The following DNAJB6 variants were observed in gnomAD, a reference collection of about 807,000 sequenced individuals.
The protein encoded by DNAJB6 is dnaJ homolog subfamily B member 6.
DNAJB6 carries 16 observed loss-of-function variants against 42.7 expected under a neutral mutation model. The observed-to-expected ratio is 0.37, with a 90% CI of 0.25 to 0.57. The LOEUF is 0.57. Among genes scored for constraint, DNAJB6 ranks in the 20% least tolerant of loss-of-function variants. The pLI, the probability that DNAJB6 is intolerant of heterozygous loss-of-function variation, is 0.74. For synonymous variants in DNAJB6, 170 were observed against 163.5 expected (o/e 1.04, Z -0.30); for missense variants, 347 against 416.8 (o/e 0.83, Z 1.46).
At chr7:157,369,923 C>CATTATTATTAAACGGGACCCTTCTTAAG (rs1800080208) in intron 5 of DNAJB6, among the ~76,000 whole-genome samples, 1 of 147,828 alleles carries the variant, frequency 6.8e-6, no homozygotes, top group African/African-American at 2.5e-5. Flanking sequence ...CCCTTCTTAA[C>CATTATTATTAAACGGGACCCTTCTTAAG]ATTATTATTA....
chr7:157,397,898 C>G (rs891818831), intron 8 of DNAJB6, among the ~76,000 whole-genome samples: 1 of 152,280 alleles, frequency 6.6e-6, no homozygotes, highest in African/African-American at 2.4e-5. Flanking sequence ...CGCCTGTAAT[C>G]CCAGCTACTC....
At chr7:157,380,499 G>C (rs901613920) in intron 5 of DNAJB6, 2 of 152,190 alleles carry the variant, frequency 1.3e-5, no homozygotes, top group Non-Finnish European at 2.9e-5. Flanking sequence ...TGGGTGGGGG[G>C]CATTGACTGT....
At chr7:157,409,441 T>C (rs1274606904) in intron 8 of DNAJB6, among the ~76,000 whole-genome samples, 1 of 152,232 alleles carries the variant, frequency 6.6e-6, no homozygotes, top group Non-Finnish European at 1.5e-5. Context: ...CCAGGGTGGC[T>C]CAGCTGGCTG....
chr7:157,378,451 A>C (rs1353613578), intron 5 of DNAJB6: 1 of 152,232 alleles, frequency 6.6e-6, no homozygotes, highest in Non-Finnish European at 1.5e-5. Flanking sequence ...ACGTTGTAGC[A>C]CGTGCTGTAT....
intron 8 of DNAJB6, among the ~76,000 whole-genome samples, chr7:157,391,291 G>A (rs185165804): frequency 1.3e-5 from 2 of 152,310 alleles, no homozygotes; most frequent in African/African-American, 4.8e-5. Context: ...TTTGCTGCTC[G>A]TCAGCTCTAA....
intron 1 of DNAJB6, among the ~76,000 whole-genome samples, chr7:157,352,905 C>T (rs1164906205): frequency 6.6e-6 from 1 of 152,066 alleles, no homozygotes; most frequent in African/African-American, 2.4e-5. Flanking sequence ...ACGCTGTGAA[C>T]ATTACTGCTT....
At chr7:157,410,417 G>A (rs1173366290) in intron 9 of DNAJB6, 2 of 341,156 alleles carry the variant, frequency 5.9e-6, no homozygotes, top group East Asian at 4.5e-5. Context: ...TCACCTTCTC[G>A]TGCCTTCTTC....
At chr7:157,402,902 G>A (rs75161008) in intron 8 of DNAJB6, among the ~76,000 whole-genome samples, 1 of 152,164 alleles carries the variant, frequency 6.6e-6, no homozygotes, top group Admixed American at 6.5e-5. Context: ...GTCTGCCTTC[G>A]TACTGTGAAC....
intron 5 of DNAJB6, among the ~76,000 whole-genome samples, chr7:157,376,059 G>A (rs932152655): frequency 6.6e-6 from 1 of 152,298 alleles, no homozygotes; most frequent in Middle Eastern, 3.4e-3. Flanking sequence ...GCTTAGTGCT[G>A]CCCTGAGATG....
intron 5 of DNAJB6, among the ~76,000 whole-genome samples, chr7:157,369,785 A>ATTATTATTAAACAGGCCTTTCATAACG (rs1800053192): frequency 8.3e-6 from 1 of 120,576 alleles, no homozygotes; most frequent in African/African-American, 4.7e-5. Context: ...CTTTCATAAC[A>ATTATTATTAAACAGGCCTTTCATAACG]TTATTATTAA....
chr7:157,381,459 CATTG>C (rs764146400), intron 5 of DNAJB6: 3 of 152,108 alleles, frequency 2.0e-5, no homozygotes, highest in African/African-American at 4.8e-5. Context: ...AGTAAGTACT[CATTG>C]ATTGATAACA....
intron 8 of DNAJB6, among the ~76,000 whole-genome samples, chr7:157,390,529 CAT>C (rs1801289753): frequency 6.6e-6 from 1 of 152,198 alleles, no homozygotes; most frequent in Admixed American, 6.5e-5. Flanking sequence ...CTTGCAAAAC[CAT>C]AGAGACCGGA....
chr7:157,366,375 TG>T, intron 3 of DNAJB6, 126 bp from the exon 4 acceptor site: 1 of 752,640 alleles, frequency 1.3e-6, no homozygotes, highest in Non-Finnish European at 2.2e-6. Context: ...AAAGAAAAGG[TG>T]GCCATACTCC....
rs556372247 is a variant in DNAJB6 at position 157,416,286 on chromosome 7, C to T, written c.*188C>T. 1.4e-4 allele frequency: 117 copies of T among 821,232 alleles called. No homozygotes were observed. In the African/African-American group the frequency reaches 1.7e-3, roughly 12 times the overall value. The allele number at this position is 821,232 out of a possible 1,614,324, so 50.9% of individuals were successfully genotyped here. On this transcript the variant is annotated 3_prime_UTR_variant, in exon 10 of 10. Coordinates refer to ENST00000262177, the MANE Select transcript of DNAJB6 (RefSeq NM_058246.4). ...GAGACGGGGCTGACGGCACGGGTGG[C>T]GGGGACAGACGTTTGGGACTTGGCC... is the stretch of plus-strand genomic sequence containing the variant.
At chr7:157,343,000 T>TG (rs891972467) in intron 1 of DNAJB6, among the ~76,000 whole-genome samples, 1 of 151,700 alleles carries the variant, frequency 6.6e-6, no homozygotes, top group African/African-American at 2.4e-5. Context: ...GCTTTTTTTT[T>TG]TTGTTGTTTG....
Position 157,382,274 on chromosome 7 carries a change from T to C in DNAJB6, c.375T>C (p.Asn125=). 1 of 1,608,382 alleles carries C rather than the reference T, an allele frequency of 6.2e-7. No homozygotes were observed. The highest frequency in any genetic ancestry group is 8.5e-7 in the Non-Finnish European group (1 of 1,178,550). ...FEDPFEDFFG[N]RRGPRGSRSR... is the part of the protein sequence containing the mutation. ...ACCCTTTTGAGGACTTCTTTGGGAA[T>C]CGAAGGGGTCCCCGAGGAAGCAGAA... Residue 125 remains asparagine, a synonymous_variant, in exon 6 of 10, where the codon AAT becomes AAC. Coordinates refer to ENST00000262177, the MANE Select transcript of DNAJB6 (RefSeq NM_058246.4).
chr7:157,341,695 T>A (rs900347397), intron 1 of DNAJB6, among the ~76,000 whole-genome samples: 2 of 152,172 alleles, frequency 1.3e-5, no homozygotes, highest in Non-Finnish European at 2.9e-5. Flanking sequence ...TCTGAAGTTA[T>A]TTGTGTTTAT....
intron 4 of DNAJB6, 107 bp downstream of exon 4, chr7:157,366,668 G>A: frequency 9.7e-7 from 1 of 1,027,776 alleles, no homozygotes; most frequent in South Asian, 1.4e-5. Flanking sequence ...AGTAAATAGA[G>A]ATGCAACGTA....
chr7:157,341,587 A>G (rs1256100193), intron 1 of DNAJB6, among the ~76,000 whole-genome samples: 1 of 152,204 alleles, frequency 6.6e-6, no homozygotes, highest in East Asian at 1.9e-4. Flanking sequence ...GTGCATATAT[A>G]CGTGTGTGCT....
Sources: gnomAD v4.1 joint callset for allele counts (sites outside exome capture counted in the v4.1 genomes callset) on GRCh38, gnomAD v4.1.1 for gene constraint, MANE v1.5 for transcripts, NCBI Gene and HGNC (gene_info 2026-07-23, HGNC 2026-07-21) for gene names.